The following DIP2C variants were observed in gnomAD, a reference collection of about 807,000 sequenced individuals.
DIP2C encodes disco-interacting protein 2 homolog C.
Under a neutral mutation model 192.4 loss-of-function variants are expected in DIP2C, and 33 were observed. That is an observed-to-expected ratio of 0.17 (90% CI 0.13 to 0.23). The LOEUF is 0.23. Ranked by LOEUF, DIP2C falls within the 10% of genes least tolerant of loss-of-function variation. The pLI, the probability that DIP2C is intolerant of heterozygous loss-of-function variation, is 1.00. For synonymous variants in DIP2C, 979 were observed against 864.1 expected (o/e 1.13, Z -2.33); for missense variants, 1,537 against 2,110.1 (o/e 0.73, Z 5.32).
intron 1 of DIP2C, among the ~76,000 whole-genome samples, chr10:502,773 C>G (rs1385188252): frequency 1.3e-5 from 2 of 152,088 alleles, no homozygotes; most frequent in Non-Finnish European, 2.9e-5. Flanking sequence ...ACAAAGCACA[C>G]AGAGGATGTG....
chr10:350,709 G>A (rs977294235), intron 24 of DIP2C, among the ~76,000 whole-genome samples: 1 of 144,844 alleles, frequency 6.9e-6, no homozygotes, highest in African/African-American at 2.6e-5. Context: ...CGCGATCTCA[G>A]CTCACGGCAA....
At chr10:283,197 A>G (rs1298834395) in intron 35 of DIP2C, 75 bp downstream of exon 35, 1 of 1,536,072 alleles carries the variant, frequency 6.5e-7, no homozygotes, top group Non-Finnish European at 8.8e-7. Flanking sequence ...AAACCTTGGG[A>G]AAGGCTTCTG....
intron 1 of DIP2C, among the ~76,000 whole-genome samples, chr10:570,085 G>A (rs1231500985): frequency 6.6e-6 from 1 of 152,130 alleles, no homozygotes; most frequent in Non-Finnish European, 1.5e-5. Flanking sequence ...GGCTGCCACT[G>A]CCACGACCAA....
intron 17 of DIP2C, among the ~76,000 whole-genome samples, chr10:377,048 T>C (rs989419425): frequency 2.6e-5 from 4 of 152,086 alleles, no homozygotes; most frequent in African/African-American, 7.2e-5. Flanking sequence ...ACAGGAGCAA[T>C]GCATGCCCAC....
At chr10:503,337 T>TA (rs1292321396) in intron 1 of DIP2C, among the ~76,000 whole-genome samples, 2 of 152,206 alleles carry the variant, frequency 1.3e-5, no homozygotes, top group African/African-American at 2.4e-5. Flanking sequence ...CGTTCCAATT[T>TA]AAAAACTGGC....
At chr10:679,379 T>C (rs1166672691) in intron 1 of DIP2C, among the ~76,000 whole-genome samples, 2 of 10,926 alleles carry the variant, frequency 1.8e-4, no homozygotes, top group African/African-American at 5.7e-4. Flanking sequence ...GCTCCCCGCA[T>C]CCGTCCTCCC....
chr10:388,801 G>A (rs144262459), intron 13 of DIP2C, among the ~76,000 whole-genome samples: 73 of 152,370 alleles, frequency 4.8e-4, no homozygotes, highest in African/African-American at 1.6e-3. Context: ...CCACGGCTTC[G>A]TGAAGTTCCA....
At chr10:316,630 G>A (rs893872164) in intron 31 of DIP2C, among the ~76,000 whole-genome samples, 3 of 152,166 alleles carry the variant, frequency 2.0e-5, no homozygotes, top group African/African-American at 7.2e-5. Flanking sequence ...GGTAGCCAGG[G>A]CTCTGCTGGG....
chr10:352,407 G>A (rs1170609414), intron 24 of DIP2C, among the ~76,000 whole-genome samples: 5 of 152,152 alleles, frequency 3.3e-5, no homozygotes, highest in Non-Finnish European at 1.5e-5. Context: ...TGTCTTTCAG[G>A]GCTGACATAA....
intron 1 of DIP2C, among the ~76,000 whole-genome samples, chr10:655,592 C>A (rs59201249): frequency 1.3e-3 from 202 of 152,242 alleles, no homozygotes; most frequent in African/African-American, 4.8e-3. Context: ...CTGTGCTTTG[C>A]GACTCTACTA....
chr10:304,392 A>G (rs1171528889), intron 32 of DIP2C, among the ~76,000 whole-genome samples: 1 of 152,194 alleles, frequency 6.6e-6, no homozygotes, highest in African/African-American at 2.4e-5. Flanking sequence ...AGCACTATGC[A>G]GCACATGACT....
chr10:560,547 G>T (rs1849154375), intron 1 of DIP2C, among the ~76,000 whole-genome samples: 1 of 152,288 alleles, frequency 6.6e-6, no homozygotes, highest in Non-Finnish European at 1.5e-5. Context: ...TAGGCCTCTT[G>T]ATTCTCAGGC....
At chr10:558,386 T>C (rs1222844108) in intron 1 of DIP2C, among the ~76,000 whole-genome samples, 1 of 152,152 alleles carries the variant, frequency 6.6e-6, no homozygotes, top group Non-Finnish European at 1.5e-5. Context: ...ATCTCACGGA[T>C]TGAGATTCGA....
intron 1 of DIP2C, among the ~76,000 whole-genome samples, chr10:558,453 AC>A (rs1849025339): frequency 6.6e-6 from 1 of 152,188 alleles, no homozygotes; most frequent in Admixed American, 6.5e-5. Flanking sequence ...CAGTTGTATC[AC>A]CACGAGCTGG....
chr10:591,880 GC>G (rs1851423930), intron 1 of DIP2C, among the ~76,000 whole-genome samples: 3 of 152,232 alleles, frequency 2.0e-5, no homozygotes, highest in Non-Finnish European at 4.4e-5. Flanking sequence ...GAAGACAGCG[GC>G]GGCCTGAATG....
intron 6 of DIP2C, among the ~76,000 whole-genome samples, chr10:417,310 C>T (rs569737521): frequency 1.5e-4 from 23 of 152,218 alleles, no homozygotes; most frequent in Middle Eastern, 3.4e-3. Context: ...GGCTATGACA[C>T]GCCGAGACAG....
chr10:663,653 G>C (rs574707055), intron 1 of DIP2C: 1 of 152,344 alleles, frequency 6.6e-6, no homozygotes, highest in South Asian at 2.1e-4. Flanking sequence ...GTTGAAATGC[G>C]TGTGCCATGA....
At chr10:284,624 C>CAA (rs1427032128) in intron 34 of DIP2C, among the ~76,000 whole-genome samples, 2 of 152,172 alleles carry the variant, frequency 1.3e-5, no homozygotes, top group Admixed American at 1.3e-4. Flanking sequence ...GGCAAGGGTG[C>CAA]AAACCCTCAG....
chr10:442,039 G>C (rs1168900522), intron 3 of DIP2C, among the ~76,000 whole-genome samples: 1 of 152,154 alleles, frequency 6.6e-6, no homozygotes, highest in African/African-American at 2.4e-5. Flanking sequence ...AGAATAACAG[G>C]CTTCAAGACA....
Sources: gnomAD v4.1 joint callset for allele counts (sites outside exome capture counted in the v4.1 genomes callset) on GRCh38, gnomAD v4.1.1 for gene constraint, MANE v1.5 for transcripts, NCBI Gene and HGNC (gene_info 2026-07-23, HGNC 2026-07-21) for gene names.